The following CDH23 variants were observed in gnomAD, a reference collection of about 807,000 sequenced individuals.
The protein encoded by CDH23 is cadherin related 23, also known as cadherin-23.
CDH23 carries 189 observed loss-of-function variants against 317.1 expected under a neutral mutation model. The ratio of observed to expected loss-of-function variants is 0.60; its 90% CI spans 0.53 to 0.67. CDH23 has a LOEUF of 0.67. Among genes scored for constraint, CDH23 ranks in the 30% least tolerant of loss-of-function variants. CDH23 has a pLI of 0.00. For missense variants in CDH23, 4,401 were observed against 4,592.4 expected (o/e 0.96, Z 1.20); for synonymous variants, 1,839 against 1,876.8 (o/e 0.98, Z 0.52).
intron 19 of CDH23, among the ~76,000 whole-genome samples, chr10:71,688,828 T>G: frequency 9.3e-6 from 1 of 107,548 alleles, no homozygotes; most frequent in Non-Finnish European, 2.0e-5. Context: ...GAGCCAGGGG[T>G]GGTGGAGTCA....
At chr10:71,571,703 C>A (rs1297947570) in intron 8 of CDH23, among the ~76,000 whole-genome samples, 1 of 152,220 alleles carries the variant, frequency 6.6e-6, no homozygotes, top group African/African-American at 2.4e-5. Flanking sequence ...AAATGCGCCT[C>A]CCCTAGGCAG....
intron 3 of CDH23, among the ~76,000 whole-genome samples, chr10:71,488,064 G>T (rs980633637): frequency 2.6e-5 from 4 of 152,166 alleles, no homozygotes; most frequent in Admixed American, 2.0e-4. Flanking sequence ...CTCAGCTATT[G>T]TCCACTAGGT....
chr10:71,767,289 C>T (rs929788326), intron 38 of CDH23, among the ~76,000 whole-genome samples: 8 of 152,290 alleles, frequency 5.3e-5, no homozygotes, highest in South Asian at 4.1e-4. Flanking sequence ...TTTTTCATGA[C>T]AGGGCGTGAG....
At chr10:71,671,813 G>C (rs723274) in intron 14 of CDH23, among the ~76,000 whole-genome samples, 70,995 of 152,076 alleles carry the variant, frequency 0.47, 16,779 homozygotes, top group East Asian at 0.57. Context: ...CTGCGCCTCT[G>C]TTTCCTCACT....
Position 71,809,901 on chromosome 10 carries a change from G to C in CDH23, c.8804G>C (p.Arg2935Pro). The C allele has an allele frequency of 6.2e-7, 1 of 1,613,252 alleles. No individual in the cohort carries two copies. Among genetic ancestry groups the C allele is most frequent in the Non-Finnish European group, 8.5e-7 (1 of 1,179,894 alleles). ...PGYFVVDIVA[R>P]DLAGHNDTAI... ...TACTTCGTGGTGGACATTGTGGCCC[G>C]AGACCTGGCAGGCCACAACGACACG... Residue 2935 changes from arginine (R) to proline (P), a missense_variant, in exon 61 of 70, where the codon CGA (arginine) becomes CCA (proline). Physicochemically the swap from Arg to Pro is moderately radical, Grantham distance 103 (BLOSUM62 -2). Transcript: ENST00000224721.
At chr10:71,440,098 TC>T (rs1849805017) in intron 2 of CDH23, among the ~76,000 whole-genome samples, 200 bp downstream of exon 2, 1 of 152,024 alleles carries the variant, frequency 6.6e-6, no homozygotes, top group East Asian at 1.9e-4. Context: ...ATACCAGCTG[TC>T]CCCAAAGCCT....
At chr10:71,607,514 A>G (rs1860602618) in intron 9 of CDH23, among the ~76,000 whole-genome samples, 1 of 152,202 alleles carries the variant, frequency 6.6e-6, no homozygotes, top group South Asian at 2.1e-4. Flanking sequence ...CAAGGTCAGA[A>G]CTCAATCTAT....
chr10:71,659,052 C>T (rs778642991), intron 14 of CDH23, among the ~76,000 whole-genome samples: 3 of 152,212 alleles, frequency 2.0e-5, no homozygotes, highest in Non-Finnish European at 4.4e-5. Flanking sequence ...CAGTCACCTC[C>T]AGCACAGAGA....
chr10:71,634,817 C>T (rs780921964), intron 11 of CDH23, among the ~76,000 whole-genome samples: 1 of 152,202 alleles, frequency 6.6e-6, no homozygotes, highest in African/African-American at 2.4e-5. Flanking sequence ...TGGAAAGGAC[C>T]GTGTGTCCCC....
chr10:71,658,291 A>T (rs1342209708), intron 14 of CDH23, among the ~76,000 whole-genome samples: 1 of 152,098 alleles, frequency 6.6e-6, no homozygotes, highest in Non-Finnish European at 1.5e-5. Flanking sequence ...AGAGCGAGAG[A>T]TGGAGAGAGA....
At chr10:71,731,781 G>A (rs935488627) in intron 31 of CDH23, among the ~76,000 whole-genome samples, 4 of 152,204 alleles carry the variant, frequency 2.6e-5, no homozygotes, top group South Asian at 2.1e-4. Context: ...CCAGAGGAAG[G>A]CTCAACAGTG....
chr10:71,585,556 G>A (rs896615998), intron 9 of CDH23, among the ~76,000 whole-genome samples: 1 of 152,104 alleles, frequency 6.6e-6, no homozygotes, highest in African/African-American at 2.4e-5. Flanking sequence ...GCCTCTAGAG[G>A]GTTTTTAATT....
chr10:71,812,060 G>C (rs1841948600), intron 66 of CDH23, 45 bp downstream of exon 66: 1 of 1,613,858 alleles, frequency 6.2e-7, no homozygotes, highest in Non-Finnish European at 8.5e-7. Context: ...GGGGAGTCCT[G>C]CCAGGACCCA....
rs375518743 is a variant in CDH23, at chr10:71,812,656, C to A, written c.9510+47C>A. 4 of 1,612,906 alleles carry A rather than the reference C, an allele frequency of 2.5e-6. No homozygotes were observed. In the African/African-American group the frequency reaches 4.0e-5, roughly 16 times the overall value. On this transcript the variant is annotated intron_variant, in intron 67 of 69. Coordinates refer to ENST00000224721, the MANE Select transcript of CDH23 (RefSeq NM_022124.6). The stretch of plus-strand genomic sequence containing the variant: ...ATCACAAGGGGCAGGGGTGGAGGGG[C>A]TGGGTCTTTGCAACCTCTGGCCAAG...
At chr10:71,437,964 T>C (rs1849691006) in intron 1 of CDH23, among the ~76,000 whole-genome samples, 1 of 152,170 alleles carries the variant, frequency 6.6e-6, no homozygotes, top group African/African-American at 2.4e-5. Flanking sequence ...CTGTTAATAT[T>C]CAGAAACTCA....
chr10:71,648,461 T>C (rs1900513), intron 14 of CDH23, among the ~76,000 whole-genome samples: 85,288 of 152,128 alleles, frequency 0.56, 24,779 homozygotes, highest in East Asian at 0.85. Context: ...GATCCAGGCT[T>C]AGTGGGTGTC....
intron 12 of CDH23, among the ~76,000 whole-genome samples, chr10:71,644,601 C>G (rs751071344): frequency 6.6e-6 from 1 of 152,194 alleles, no homozygotes; most frequent in Admixed American, 6.5e-5. Flanking sequence ...TCTTTGGGGC[C>G]AGGGTGACCT....
chr10:71,570,950 C>T, intron 8 of CDH23, 32 bp downstream of exon 8: 2 of 1,611,576 alleles, frequency 1.2e-6, no homozygotes, highest in South Asian at 2.2e-5. Context: ...TCTCAGAAGT[C>T]CCTTCTCAGA....
chr10:71,637,172 C>T (rs945937550), intron 11 of CDH23, among the ~76,000 whole-genome samples: 10 of 152,154 alleles, frequency 6.6e-5, no homozygotes, highest in Admixed American at 5.2e-4. Context: ...ATTCGATGGG[C>T]TTTTATTTTC....
Sources: gnomAD v4.1 joint callset for allele counts (sites outside exome capture counted in the v4.1 genomes callset) on GRCh38, gnomAD v4.1.1 for gene constraint, MANE v1.5 for transcripts, NCBI Gene and HGNC (gene_info 2026-07-23, HGNC 2026-07-21) for gene names.